The following CDK11A variants were observed in gnomAD, a reference collection of about 807,000 sequenced individuals.
The protein encoded by CDK11A is cyclin dependent kinase 11A.
CDK11A carries 55 observed loss-of-function variants against 83.6 expected under a neutral mutation model. The ratio of observed to expected loss-of-function variants is 0.66; its 90% CI spans 0.53 to 0.82. CDK11A has a LOEUF of 0.82. Ranked by LOEUF, CDK11A falls within the 40% of genes least tolerant of loss-of-function variation. The probability of loss-of-function intolerance (pLI) is 0.00; values close to 1 mark genes in which losing one functional copy is unlikely to be tolerated. For synonymous variants in CDK11A, 247 were observed against 302.7 expected (o/e 0.82, Z 1.91); for missense variants, 564 against 810.1 (o/e 0.70, Z 3.69).
Position 1,712,109 on chromosome 1 carries a change from G to A in CDK11A, c.625+155C>T, listed in dbSNP as rs1180040591. Among the ~76,000 whole-genome samples, 6 of 68,824 alleles carry A rather than the reference G, an allele frequency of 8.7e-5. 1 individual carries two copies. In the Admixed American group the frequency reaches 1.1e-3, roughly 13 times the overall value. The allele number at this position is 68,824 out of a possible 152,430, so 45.2% of individuals were successfully genotyped here. On this transcript the variant is annotated intron_variant, in intron 6 of 19. Transcript: ENST00000404249. ...CGCGCCACCGCACTCCAGCCTGGGGGACAAGAGCAAAACTCTGCCTCCAAA... is the reference window on the plus strand; with the variant it reads ...CGCGCCACCGCACTCCAGCCTGGGGAACAAGAGCAAAACTCTGCCTCCAAA...
At chr1:1,717,067 A>AT (rs70937180) in intron 4 of CDK11A, among the ~76,000 whole-genome samples, 120,178 of 149,144 alleles carry the variant, frequency 0.81, 50,901 homozygotes, top group Non-Finnish European at 0.93. Context: ...AATAATCATG[A>AT]TTTTATGTTA....
chr1:1,722,509 T>C, intron 2 of CDK11A, 199 bp downstream of exon 2: 2 of 582,094 alleles, frequency 3.4e-6, no homozygotes, highest in Non-Finnish European at 6.3e-6. Flanking sequence ...TCTCCATGTA[T>C]GCTCAATCTA....
In CDK11A at chr1:1,721,728, A is replaced by G. The variant is rs1041857027; in HGVS notation, c.112-17T>C. 4.5e-6 allele frequency: 7 copies of G among 1,542,454 alleles called. No homozygotes were observed. The highest frequency in any genetic ancestry group is 6.2e-6 in the Non-Finnish European group (7 of 1,125,436). The stretch of plus-strand genomic sequence containing the variant: ...GTCATCAGACTAAGAAGCAAAGAGA[A>G]AGTTAATCATTTTCTTTATAAGTTT... On this transcript the variant is annotated splice_polypyrimidine_tract_variant and intron_variant, in intron 2 of 19. Coordinates refer to ENST00000404249, the MANE Select transcript of CDK11A (RefSeq NM_024011.4).
intron 13 of CDK11A, 34 bp from the exon 14 acceptor site, chr1:1,704,689 T>C: frequency 6.3e-7 from 1 of 1,595,526 alleles, no homozygotes; most frequent in Non-Finnish European, 8.5e-7. Context: ...GCTGGGCACC[T>C]CCAGGCCCCC....
intron 3 of CDK11A, among the ~76,000 whole-genome samples, chr1:1,721,363 G>C (rs562184695): frequency 6.7e-6 from 1 of 150,362 alleles, no homozygotes; most frequent in African/African-American, 2.4e-5. Flanking sequence ...CGTCACAGTA[G>C]CCCTAGGAAA....
rs532397057 is a variant in CDK11A at position 1,707,327 on chromosome 1, C to T, written c.1245+82G>A. Reference sequence around the variant, plus strand: ...CCCTGTGAGGCGACAGACGCCAACACGGGGGCCAGGCTTCGCTCAGCCCCT... The same window carrying T: ...CCCTGTGAGGCGACAGACGCCAACATGGGGGCCAGGCTTCGCTCAGCCCCT... On this transcript the variant is annotated intron_variant, in intron 11 of 19. Transcript: ENST00000404249. 152 of 1,427,762 alleles carry T rather than the reference C, an allele frequency of 1.1e-4. 2 individuals are homozygous for T. The highest frequency in any genetic ancestry group is 2.9e-4 in the East Asian group (12 of 41,592). 88.4% of individuals were successfully genotyped at this position (1,427,762 alleles called of 1,614,324 possible).
rs772240092 is a variant in CDK11A at position 1,704,572 on chromosome 1, G to C, written c.1542C>G (p.Thr514=). Residue 514 remains threonine, a synonymous_variant, in exon 14 of 20, where the codon ACC becomes ACG. Coordinates refer to ENST00000404249, the MANE Select transcript of CDK11A (RefSeq NM_024011.4). ...TACCTGGCAGGAAGGGCTGTTTCAT[G>C]GTCTCCATCAGGCTCTTGAGGTCGT... is the stretch of plus-strand genomic sequence containing the variant. ...VEHDLKSLME[T]MKQPFLPGEV... 2.5e-6 allele frequency: 4 copies of C among 1,604,574 alleles called. No individual in the cohort carries two copies. In the African/African-American group the frequency reaches 5.4e-5, roughly 22 times the overall value.
intron 3 of CDK11A, 44 bp from the exon 4 acceptor site, chr1:1,719,499 CGG>C (rs769463634): frequency 7.3e-7 from 1 of 1,361,790 alleles, no homozygotes; most frequent in African/African-American, 1.5e-5. Flanking sequence ...TGAGAAAGTG[CGG>C]AAAAGCATCA....
intron 4 of CDK11A, among the ~76,000 whole-genome samples, chr1:1,718,793 C>T (rs1282277686): frequency 4.0e-5 from 6 of 150,756 alleles, no homozygotes; most frequent in East Asian, 1.9e-4. Context: ...CCCGCCACCA[C>T]GCCCGGCTAA....
chr1:1,715,340 A>G (rs972106004), intron 5 of CDK11A, among the ~76,000 whole-genome samples: 1 of 125,930 alleles, frequency 7.9e-6, no homozygotes, highest in African/African-American at 2.7e-5. Flanking sequence ...TCTGCCCCCA[A>G]CAATTTTTGT....
At position 1,716,235 on chromosome 1, in the gene CDK11A, A is replaced by G. The variant is rs182080627; in HGVS notation, c.488+111T>C. ...CGTTCACTGTGCTGTTTCCATGTCTACCACTTCTGCAACAAATGTGACTTC... is the reference window on the plus strand; with the variant it reads ...CGTTCACTGTGCTGTTTCCATGTCTGCCACTTCTGCAACAAATGTGACTTC... On this transcript the variant is annotated intron_variant, in intron 5 of 19. Coordinates refer to ENST00000404249, the MANE Select transcript of CDK11A (RefSeq NM_024011.4). 3 of 1,251,344 alleles carry G rather than the reference A, an allele frequency of 2.4e-6. No homozygotes were observed. In the East Asian group the frequency reaches 7.1e-5, roughly 29 times the overall value. The allele number at this position is 1,251,344 out of a possible 1,614,324, so 77.5% of individuals were successfully genotyped here.
At position 1,704,432 on chromosome 1, in the gene CDK11A, G is replaced by C. The variant is rs1570372093; in HGVS notation, c.1565-88C>G. 2.6e-6 allele frequency: 4 copies of C among 1,554,152 alleles called. No homozygotes were observed. The African/African-American group carries it at 4.1e-5, about 16-fold the overall frequency. On this transcript the variant is annotated intron_variant, in intron 14 of 19. Coordinates refer to ENST00000404249, the MANE Select transcript of CDK11A (RefSeq NM_024011.4). ...CCCGCTCGCCTCGGCAGCAACAGAG[G>C]CTTCTCAGGGCTTTCCCTGTGGATG...
intron 11 of CDK11A, among the ~76,000 whole-genome samples, chr1:1,706,421 C>T (rs528928275): frequency 6.6e-5 from 10 of 151,466 alleles, no homozygotes; most frequent in Middle Eastern, 6.8e-3. Flanking sequence ...TGGTGGCTTG[C>T]GCCTGTAGTT....
At position 1,716,541 on chromosome 1, in the gene CDK11A, C is replaced by T. The variant is rs1366698863; in HGVS notation, c.356-63G>A. 3.7e-5 allele frequency: 57 copies of T among 1,535,166 alleles called. 3 individuals are homozygous for T. In the Admixed American group the frequency reaches 4.7e-4, roughly 13 times the overall value. ...TTCAAAAATTTCACGAGGCCGGGCA[C>T]GGTGGCTTACGCCTGTAATCCCAGC... is the stretch of plus-strand genomic sequence containing the variant. On this transcript the variant is annotated intron_variant, in intron 4 of 19. Coordinates refer to ENST00000404249, the MANE Select transcript of CDK11A (RefSeq NM_024011.4).
At position 1,707,430 on chromosome 1, in the gene CDK11A, G is replaced by A; in HGVS notation, c.1224C>T (p.Pro408=). The A allele has an allele frequency of 6.2e-7, 1 of 1,608,064 alleles. No individual in the cohort carries two copies. The highest frequency in any genetic ancestry group is 8.5e-7 in the Non-Finnish European group (1 of 1,176,096). ...LLPIELKQEL[P]KYLPALQGCR... ...TGACCTGCAGGGCCGGCAGGTACTT[G>A]GGCAGCTCCTGCTTGAGCTCGATGG... The change falls in exon 11 of 20, where the codon CCC becomes CCT. Residue 408 remains proline (P), a synonymous_variant. Coordinates refer to ENST00000404249, the MANE Select transcript of CDK11A (RefSeq NM_024011.4).
intron 4 of CDK11A, chr1:1,719,118 C>T (rs1644798303): frequency 6.1e-6 from 2 of 327,724 alleles, no homozygotes; most frequent in Admixed American, 1.1e-4. Context: ...AGAGTTTGCT[C>T]TCTATAGCCC....
At position 1,702,768 on chromosome 1, in the gene CDK11A, T is replaced by C. The variant is rs1644133521; in HGVS notation, c.*139A>G. ...AAGGAAAATGATTTAATTCTACAAA[T>C]TTACAAACCAAAATACAAAAACAAA... On this transcript the variant is annotated 3_prime_UTR_variant, in exon 20 of 20. Coordinates refer to ENST00000404249, the MANE Select transcript of CDK11A (RefSeq NM_024011.4). The C allele has an allele frequency of 7.1e-6, 4 of 566,392 alleles. No homozygotes were observed. The Admixed American group carries it at 1.2e-4, about 18-fold the overall frequency. The allele number at this position is 566,392 out of a possible 1,614,324, so 35.1% of individuals were successfully genotyped here.
intron 5 of CDK11A, 101 bp from the exon 6 acceptor site, chr1:1,712,501 G>GTT: frequency 2.6e-6 from 1 of 384,606 alleles, no homozygotes; most frequent in Non-Finnish European, 4.9e-6. Context: ...AATCCGTGAA[G>GTT]TTTTTTTTTC....
intron 13 of CDK11A, 24 bp downstream of exon 13, chr1:1,704,880 C>T (rs1644252065): frequency 1.2e-6 from 2 of 1,606,664 alleles, no homozygotes; most frequent in African/African-American, 2.7e-5. Flanking sequence ...CACCCGGGGC[C>T]AGGCGTGGTG....
Sources: gnomAD v4.1 joint callset for allele counts (sites outside exome capture counted in the v4.1 genomes callset) on GRCh38, gnomAD v4.1.1 for gene constraint, MANE v1.5 for transcripts, NCBI Gene and HGNC (gene_info 2026-07-23, HGNC 2026-07-21) for gene names.